Variants in GALNTL6 observed in about 807,000 individuals in gnomAD.
GALNTL6 encodes polypeptide N-acetylgalactosaminyltransferase-like 6.
GALNTL6 carries 46 observed loss-of-function variants against 73.7 expected under a neutral mutation model. The observed-to-expected ratio is 0.62, with a 90% CI of 0.49 to 0.80. GALNTL6 has a LOEUF of 0.80. Ranked by LOEUF, GALNTL6 falls within the 30% of genes least tolerant of loss-of-function variation. The pLI is 0.00. For synonymous variants in GALNTL6, 259 were observed against 263.7 expected, an observed-to-expected ratio of 0.98 and a Z score of 0.17; for missense variants, 604 against 755.0, an observed-to-expected ratio of 0.80 and a Z score of 2.34.
At position 172,882,788 on chromosome 4, in the gene GALNTL6, A is replaced by T. The variant is rs1161765511; in HGVS notation, c.924-2A>T. 1 of 1,571,722 alleles carries T rather than the reference A, an allele frequency of 6.4e-7. No individual in the cohort carries two copies. The highest frequency in any genetic ancestry group is 1.7e-5 in the Admixed American group (1 of 59,930). Reference sequence around the variant, plus strand: ...TTAAAGATTATTTTGTTCATTTCACAGGTCTCCTGTTATGGCTGGAGGTCT... The same window carrying T: ...TTAAAGATTATTTTGTTCATTTCACTGGTCTCCTGTTATGGCTGGAGGTCT... On this transcript the variant is annotated splice_acceptor_variant, in intron 7 of 12. Transcript: ENST00000506823. LOFTEE classifies it high-confidence loss of function.
At chr4:171,928,700 C>T (rs1738069991) in intron 2 of GALNTL6, among the ~76,000 whole-genome samples, 1 of 152,182 alleles carries the variant, frequency 6.6e-6, no homozygotes. Flanking sequence ...TTTCCCCTTT[C>T]TATGTTTAGA....
intron 5 of GALNTL6, among the ~76,000 whole-genome samples, chr4:172,481,836 C>T (rs747301242): frequency 1.1e-4 from 16 of 152,200 alleles, no homozygotes; most frequent in Non-Finnish European, 2.2e-4. Flanking sequence ...CTAATGGATC[C>T]TGTTTCAGGG....
intron 2 of GALNTL6, among the ~76,000 whole-genome samples, chr4:172,005,865 C>T (rs939193474): frequency 1.3e-5 from 2 of 152,122 alleles, no homozygotes; most frequent in Non-Finnish European, 2.9e-5. Flanking sequence ...TTAGTGGAAG[C>T]CTTAGCTTAA....
intron 2 of GALNTL6, among the ~76,000 whole-genome samples, chr4:172,105,796 A>G (rs1732658683): frequency 6.6e-6 from 1 of 152,192 alleles, no homozygotes; most frequent in Non-Finnish European, 1.5e-5. Flanking sequence ...TAAATGTTAC[A>G]TGTTGAAATA....
At chr4:172,065,557 T>C (rs1056714909) in intron 2 of GALNTL6, among the ~76,000 whole-genome samples, 1 of 151,822 alleles carries the variant, frequency 6.6e-6, no homozygotes, top group Admixed American at 6.5e-5. Flanking sequence ...TACTGAACTT[T>C]GAAAAAAAAA....
At chr4:171,992,529 C>T (rs1335692428) in intron 2 of GALNTL6, among the ~76,000 whole-genome samples, 1 of 152,024 alleles carries the variant, frequency 6.6e-6, no homozygotes, top group Non-Finnish European at 1.5e-5. Context: ...GATCTTCTTA[C>T]TCTACCTAGT....
chr4:171,864,825 T>TA (rs1319007328), intron 2 of GALNTL6, among the ~76,000 whole-genome samples: 2 of 151,966 alleles, frequency 1.3e-5, no homozygotes, highest in African/African-American at 2.4e-5. Flanking sequence ...TTGAAATACT[T>TA]AAAGATAATT....
At chr4:172,729,230 T>A (rs7694652) in intron 5 of GALNTL6, among the ~76,000 whole-genome samples, 1 of 152,234 alleles carries the variant, frequency 6.6e-6, no homozygotes, top group African/African-American at 2.4e-5. Context: ...GCTTTTTAGC[T>A]TTATGTAATC....
At chr4:172,402,544 C>G (rs1225356217) in intron 5 of GALNTL6, among the ~76,000 whole-genome samples, 1 of 151,970 alleles carries the variant, frequency 6.6e-6, no homozygotes, top group Non-Finnish European at 1.5e-5. Flanking sequence ...TCTAAATGTT[C>G]CTTAAATTCT....
intron 3 of GALNTL6, among the ~76,000 whole-genome samples, chr4:172,248,853 T>G (rs577241144): frequency 2.0e-5 from 3 of 152,254 alleles, no homozygotes; most frequent in East Asian, 1.9e-4. Flanking sequence ...TCCAAAATGA[T>G]TATAAGTTTT....
At chr4:172,474,008 C>CATGT (rs1187205416) in intron 5 of GALNTL6, among the ~76,000 whole-genome samples, 4 of 152,070 alleles carry the variant, frequency 2.6e-5, no homozygotes, top group South Asian at 2.1e-4. Context: ...AAATGGCCTA[C>CATGT]ACATCCCTCC....
chr4:171,868,541 C>T (rs184047533), intron 2 of GALNTL6, among the ~76,000 whole-genome samples: 21 of 152,282 alleles, frequency 1.4e-4, no homozygotes, highest in Admixed American at 1.3e-3. Context: ...AAATATCCAG[C>T]AGCAAACTTT....
chr4:171,943,261 C>T (rs1738603779), intron 2 of GALNTL6, among the ~76,000 whole-genome samples: 1 of 152,184 alleles, frequency 6.6e-6, no homozygotes, highest in African/African-American at 2.4e-5. Context: ...CCCTCGGGCA[C>T]CAGACCTCAT....
intron 2 of GALNTL6, among the ~76,000 whole-genome samples, chr4:171,953,544 T>C (rs531905247): frequency 6.6e-6 from 1 of 152,284 alleles, no homozygotes; most frequent in East Asian, 1.9e-4. Context: ...ATTTTTACCT[T>C]ATAGCATATA....
intron 4 of GALNTL6, among the ~76,000 whole-genome samples, chr4:172,324,183 A>G (rs566678984): frequency 1.3e-5 from 2 of 152,130 alleles, no homozygotes; most frequent in African/African-American, 4.8e-5. Context: ...AAATATGTTA[A>G]CATAATTAAG....
chr4:172,821,182 A>T (rs1329487677), intron 7 of GALNTL6, among the ~76,000 whole-genome samples: 1 of 152,258 alleles, frequency 6.6e-6, no homozygotes, highest in Admixed American at 6.5e-5. Context: ...GTTAAAGTAG[A>T]TACTGTGGTT....
At chr4:172,767,667 C>CTTTTTTTTT in intron 5 of GALNTL6, among the ~76,000 whole-genome samples, 2 of 118,098 alleles carry the variant, frequency 1.7e-5, no homozygotes, top group Non-Finnish European at 3.4e-5. Flanking sequence ...GATTTTTTTT[C>CTTTTTTTTT]TTTTTTTTTT....
chr4:172,194,764 C>T (rs1735698318), intron 2 of GALNTL6, among the ~76,000 whole-genome samples: 1 of 152,106 alleles, frequency 6.6e-6, no homozygotes, highest in South Asian at 2.1e-4. Context: ...TTAGTCACTG[C>T]CAGGCCTGCC....
At chr4:172,915,938 A>AAC (rs2111277070) in intron 8 of GALNTL6, among the ~76,000 whole-genome samples, 1 of 152,320 alleles carries the variant, frequency 6.6e-6, no homozygotes, top group East Asian at 1.9e-4. Context: ...GCAGAGACAC[A>AAC]ACAAAAAAAG....
Sources: allele counts gnomAD v4.1 joint callset (sites outside exome capture counted in the v4.1 genomes callset), GRCh38; gene constraint gnomAD v4.1.1; transcripts MANE v1.5; gene names NCBI Gene and HGNC (gene_info 2026-07-23, HGNC 2026-07-21).